Variants in ANO3 observed in about 807,000 individuals in gnomAD.
ANO3 encodes anoctamin 3.
ANO3 carries 99 observed loss-of-function variants against 144.8 expected under a neutral mutation model. That is an observed-to-expected ratio of 0.68 (90% CI 0.58 to 0.81). ANO3 has a LOEUF of 0.81. ANO3 is among the 30% of genes least tolerant of loss of function. ANO3 has a pLI of 0.00. For missense variants in ANO3, 905 were observed against 1,202.2 expected (o/e 0.75, Z 3.66); for synonymous variants, 414 against 392.6 (o/e 1.05, Z -0.64).
At chr11:26,239,301 A>T (rs957132977) in intron 1 of ANO3, among the ~76,000 whole-genome samples, 9 of 152,192 alleles carry the variant, frequency 5.9e-5, no homozygotes, top group African/African-American at 2.2e-4. Flanking sequence ...TTTTATGCTA[A>T]TTAGAGATCT....
At chr11:26,486,403 T>C (rs972543849) in intron 4 of ANO3, among the ~76,000 whole-genome samples, 20 of 146,484 alleles carry the variant, frequency 1.4e-4, no homozygotes, top group African/African-American at 5.0e-4. Context: ...CCTAAAAATA[T>C]ACATTTTTTG....
At chr11:26,504,742 C>T (rs942486133) in intron 4 of ANO3, among the ~76,000 whole-genome samples, 4 of 151,272 alleles carry the variant, frequency 2.6e-5, no homozygotes, top group Non-Finnish European at 5.9e-5. Context: ...GGTAGAAGCC[C>T]GCCGGGCGCG....
chr11:26,422,464 A>G (rs1276343804), intron 1 of ANO3, among the ~76,000 whole-genome samples: 1 of 152,056 alleles, frequency 6.6e-6, no homozygotes, highest in Non-Finnish European at 1.5e-5. Flanking sequence ...AAGTAAAGCT[A>G]TTATCTCATG....
At chr11:26,305,574 CAGAG>C (rs1590247607), upstream of ANO3, among the ~76,000 whole-genome samples, 1 of 151,840 alleles carries the variant, frequency 6.6e-6, no homozygotes, top group East Asian at 1.9e-4. Context: ...AAGTAGTCTG[CAGAG>C]ACTTTTTCTC....
intron 3 of ANO3, among the ~76,000 whole-genome samples, chr11:26,461,610 C>T (rs1360915574): frequency 6.6e-6 from 1 of 151,994 alleles, no homozygotes; most frequent in Non-Finnish European, 1.5e-5. Flanking sequence ...GAGTATCTTG[C>T]ATATCAGGGT....
At chr11:26,598,796 T>C (rs1851712005) in intron 15 of ANO3, 62 bp from the exon 16 acceptor site, 1 of 1,544,362 alleles carries the variant, frequency 6.5e-7, no homozygotes, top group Non-Finnish European at 8.8e-7. Flanking sequence ...GTATCAATTC[T>C]TGGGGGTATG....
At chr11:26,336,276 A>G (rs1855190688) in intron 1 of ANO3, among the ~76,000 whole-genome samples, 1 of 152,186 alleles carries the variant, frequency 6.6e-6, no homozygotes, top group Non-Finnish European at 1.5e-5. Flanking sequence ...TACAGCTACC[A>G]AGACTTTTCA....
At chr11:26,579,916 T>C (rs552840844) in intron 14 of ANO3, among the ~76,000 whole-genome samples, 118 of 152,100 alleles carry the variant, frequency 7.8e-4, no homozygotes, top group South Asian at 2.3e-3. Flanking sequence ...ATGTAATGAG[T>C]AGACATGTGT....
intron 1 of ANO3, among the ~76,000 whole-genome samples, chr11:26,274,218 T>A (rs868309524): frequency 6.6e-6 from 1 of 152,114 alleles, no homozygotes; most frequent in South Asian, 2.1e-4. Flanking sequence ...ATATAAAACA[T>A]ACAAACAATA....
intron 3 of ANO3, among the ~76,000 whole-genome samples, chr11:26,448,431 T>G (rs768278564): frequency 7.9e-5 from 12 of 152,216 alleles, no homozygotes; most frequent in Non-Finnish European, 1.3e-4. Context: ...TAAAATGACT[T>G]CCTCAGGAAT....
At chr11:26,202,411 T>C (rs1460899427) in intron 1 of ANO3, among the ~76,000 whole-genome samples, 1 of 149,740 alleles carries the variant, frequency 6.7e-6, no homozygotes, top group African/African-American at 2.4e-5. Flanking sequence ...ATGGATCTTA[T>C]TCAATGAAAC....
chr11:26,452,273 T>C (rs1858973751), intron 3 of ANO3, among the ~76,000 whole-genome samples: 1 of 152,056 alleles, frequency 6.6e-6, no homozygotes, highest in Non-Finnish European at 1.5e-5. Flanking sequence ...CTTCAGATGA[T>C]CAAACTACGA....
chr11:26,246,944 A>T lies in ANO3; in HGVS notation c.154+57614A>T, dbSNP rs192692628. 5.9e-3 allele frequency among the ~76,000 whole-genome samples: 896 copies of T among 152,076 alleles called. 5 individuals are homozygous for T. The highest frequency in any genetic ancestry group is 6.5e-3 in the Non-Finnish European group (445 of 68,004). On this transcript the variant is annotated intron_variant, in intron 1 of 27. Coordinates refer to the ANO3 transcript ENST00000672621. ...GAGTCCATTGAATCTCTTTCTCCTT[A>T]TTTTTCTCAGGTATTTCTTATAGCA... is the stretch of plus-strand genomic sequence containing the variant.
intron 1 of ANO3, among the ~76,000 whole-genome samples, chr11:26,293,553 A>C (rs376150648): frequency 7.5e-6 from 1 of 134,030 alleles, no homozygotes; most frequent in African/African-American, 3.0e-5. Context: ...ATATATATAT[A>C]TATATATATA....
intron 1 of ANO3, among the ~76,000 whole-genome samples, chr11:26,359,756 C>T (rs531196001): frequency 1.3e-5 from 2 of 152,258 alleles, no homozygotes; most frequent in Admixed American, 6.5e-5. Context: ...TTACCCATCT[C>T]TCACAGATTA....
At chr11:26,566,410 T>G (rs1554971256) in intron 14 of ANO3, among the ~76,000 whole-genome samples, 1 of 151,996 alleles carries the variant, frequency 6.6e-6, no homozygotes, top group Non-Finnish European at 1.5e-5. Flanking sequence ...TATTAGATTT[T>G]TTTAAAGTGA....
At chr11:26,318,678 G>T (rs755898686) in intron 1 of ANO3, among the ~76,000 whole-genome samples, 15 of 152,092 alleles carry the variant, frequency 9.9e-5, no homozygotes, top group Non-Finnish European at 2.1e-4. Context: ...CACATCAACT[G>T]GTCCTTGGAG....
chr11:26,354,262 A>G (rs1010660771), intron 1 of ANO3, among the ~76,000 whole-genome samples: 4 of 152,192 alleles, frequency 2.6e-5, no homozygotes, highest in African/African-American at 9.7e-5. Context: ...GCCTAAGATT[A>G]ACAATACTGT....
At chr11:26,656,257 C>T (rs776570359) in intron 25 of ANO3, 52 bp downstream of exon 25, 2 of 1,528,408 alleles carry the variant, frequency 1.3e-6, no homozygotes, top group South Asian at 1.1e-5. Context: ...CAAGTACTCC[C>T]CCCTGCATGT....
Sources: gnomAD v4.1 joint callset for allele counts (sites outside exome capture counted in the v4.1 genomes callset) on GRCh38, gnomAD v4.1.1 for gene constraint, MANE v1.5 for transcripts, NCBI Gene and HGNC (gene_info 2026-07-23, HGNC 2026-07-21) for gene names.